KIF6: variants seen among roughly 807,000 people sequenced by gnomAD.
KIF6 encodes the protein kinesin family member 6.
Under a neutral mutation model 112.7 loss-of-function variants are expected in KIF6, and 106 were observed. That is an observed-to-expected ratio of 0.94 (90% CI 0.80 to 1.11). The LOEUF (loss-of-function observed/expected upper bound fraction) is 1.11, where lower values mean the gene tolerates loss of function less well. KIF6 is among the 50% of genes least tolerant of loss of function. The pLI is 0.00. For synonymous variants in KIF6, 339 were observed against 339.9 expected (o/e 1.00, Z 0.03); for missense variants, 929 against 964.0 (o/e 0.96, Z 0.48).
chr6:39,454,870 C>T (rs9766826), intron 13 of KIF6, among the ~76,000 whole-genome samples: 1,928 of 152,292 alleles, frequency 0.013, 50 homozygotes, highest in African/African-American at 0.044. Context: ...GAGGGTCCTA[C>T]GCCCACCGAA....
intron 13 of KIF6, among the ~76,000 whole-genome samples, chr6:39,455,244 C>A (rs1772992201): frequency 6.6e-6 from 1 of 151,560 alleles, no homozygotes; most frequent in Non-Finnish European, 1.5e-5. Flanking sequence ...TGGGAGGCAC[C>A]CCCCAGCAGG....
At chr6:39,520,472 T>C (rs1352294029) in intron 13 of KIF6, among the ~76,000 whole-genome samples, 7 of 152,154 alleles carry the variant, frequency 4.6e-5, no homozygotes, top group Admixed American at 2.0e-4. Context: ...GAAGGGACGG[T>C]TGTGGAATCT....
In KIF6 at chr6:39,679,502, A is replaced by ATT. The variant is rs1328684909; in HGVS notation, c.251+35189_251+35190insAA. On this transcript the variant is annotated intron_variant, in intron 3 of 22. Coordinates refer to ENST00000287152, the MANE Select transcript of KIF6 (RefSeq NM_145027.6). The stretch of plus-strand genomic sequence containing the variant: ...CTTCTGAAATTCCCTTTGGCTTTTG[A>ATT]ACATGTCATTCTCTCTCCATGGAAT... Among the ~76,000 whole-genome samples, 4 of 152,230 alleles carry ATT rather than the reference A, an allele frequency of 2.6e-5. No homozygotes were observed. The South Asian group carries it at 8.3e-4, about 32-fold the overall frequency.
chr6:39,506,707 G>T (rs1173895843), intron 13 of KIF6, among the ~76,000 whole-genome samples: 1 of 152,094 alleles, frequency 6.6e-6, no homozygotes, highest in Non-Finnish European at 1.5e-5. Context: ...TGGGTGACAG[G>T]TGTATCTTTC....
chr6:39,642,141 G>A lies in KIF6; in HGVS notation c.252-2384C>T, dbSNP rs148940390. Among the ~76,000 whole-genome samples, 443 of 152,154 alleles carry A rather than the reference G, an allele frequency of 2.9e-3. 2 individuals carry two copies. Among genetic ancestry groups the A allele is most frequent in the Non-Finnish European group, 4.7e-3 (321 of 68,004 alleles). On this transcript the variant is annotated intron_variant, in intron 3 of 22. Coordinates refer to ENST00000287152, the MANE Select transcript of KIF6 (RefSeq NM_145027.6). Reference sequence around the variant, plus strand: ...TCATCTGTCCTAAGGAAAAATACTAGTTAAAAATAAAGAAAGAGAAATAGT... The same window carrying A: ...TCATCTGTCCTAAGGAAAAATACTAATTAAAAATAAAGAAAGAGAAATAGT...
rs543420082 is a variant in KIF6, at chr6:39,364,494, T to A, written c.1862-1976A>T. Reference sequence around the variant, plus strand: ...AGTGACCTGGTTACTTTCCCATTTATCTTAAGTGTGAAGGCTAGGTCTTGA... The same window carrying A: ...AGTGACCTGGTTACTTTCCCATTTAACTTAAGTGTGAAGGCTAGGTCTTGA... On this transcript the variant is annotated intron_variant, in intron 16 of 22. Transcript: ENST00000287152. 5.3e-5 allele frequency among the ~76,000 whole-genome samples: 8 copies of A among 152,292 alleles called. No homozygotes were observed. In the East Asian group the frequency reaches 1.5e-3, roughly 29 times the overall value.
At chr6:39,684,807 A>G (rs948257201) in intron 3 of KIF6, among the ~76,000 whole-genome samples, 5 of 152,032 alleles carry the variant, frequency 3.3e-5, no homozygotes, top group South Asian at 2.1e-4. Flanking sequence ...AAAAAAAGAA[A>G]GAAAATTAAG....
intron 8 of KIF6, 141 bp from the exon 9 acceptor site, chr6:39,585,125 C>A: frequency 1.8e-6 from 1 of 552,506 alleles, no homozygotes; most frequent in Non-Finnish European, 3.2e-6. Context: ...GAACTATGCC[C>A]CTAAATTAGG....
chr6:39,437,526 G>A (rs1771608521), intron 13 of KIF6, among the ~76,000 whole-genome samples: 1 of 152,146 alleles, frequency 6.6e-6, no homozygotes, highest in Admixed American at 6.5e-5. Flanking sequence ...ATATTGTGAT[G>A]GTGTGAAAAA....
intron 13 of KIF6, among the ~76,000 whole-genome samples, chr6:39,499,899 G>A (rs1336903422): frequency 6.6e-6 from 1 of 152,202 alleles, no homozygotes; most frequent in Non-Finnish European, 1.5e-5. Context: ...CACAAGAAAG[G>A]ATAAAGTAAC....
Position 39,544,551 on chromosome 6 carries a change from A to G in KIF6, c.1426+4T>C. ...AAGTTTCTTCATCACTTCAGAAAGGATACTGATTTCGTTATCTCTCTGTTT... is the reference window on the plus strand; with the variant it reads ...AAGTTTCTTCATCACTTCAGAAAGGGTACTGATTTCGTTATCTCTCTGTTT... On this transcript the variant is annotated splice_donor_region_variant and intron_variant, in intron 12 of 22. Transcript: ENST00000287152. 1 of 1,611,350 alleles carries G rather than the reference A, an allele frequency of 6.2e-7. No homozygotes were observed. The highest frequency in any genetic ancestry group is 1.7e-5 in the Admixed American group (1 of 59,542).
At chr6:39,670,324 A>C (rs1436182887) in intron 3 of KIF6, among the ~76,000 whole-genome samples, 1 of 152,254 alleles carries the variant, frequency 6.6e-6, no homozygotes, top group Non-Finnish European at 1.5e-5. Context: ...AAAGATCTGC[A>C]TATAACTTTT....
chr6:39,540,036 C>G lies in KIF6; in HGVS notation c.1612G>C (p.Gly538Arg), dbSNP rs142216439. 1.4e-5 allele frequency: 22 copies of G among 1,606,420 alleles called. No individual in the cohort carries two copies. Among genetic ancestry groups the G allele is most frequent in the Middle Eastern group, 1.7e-4 (1 of 6,032 alleles). ...PSQAQDFSIL[G>R]KRSSLLHKKI... is the part of the protein sequence containing the mutation. ...TTGTGGAGCAAACTGGATCTTTTCCCCAAAATGCTGAAGTCCTGGGCCTGT... is the reference window on the plus strand; with the variant it reads ...TTGTGGAGCAAACTGGATCTTTTCCGCAAAATGCTGAAGTCCTGGGCCTGT... The change falls in exon 13 of 23, where the codon GGG becomes CGG. Residue 538 changes from glycine to arginine, a missense_variant. By Grantham distance (125) the Gly-to-Arg change is moderately radical. Transcript: ENST00000287152.
intron 3 of KIF6, among the ~76,000 whole-genome samples, chr6:39,647,520 CA>C (rs1785229023): frequency 6.6e-6 from 1 of 151,660 alleles, no homozygotes; most frequent in Non-Finnish European, 1.5e-5. Context: ...TCAAGCCGAG[CA>C]AAAAAGAGTG....
chr6:39,387,054 G>A lies in KIF6; in HGVS notation c.1811-1382C>T, dbSNP rs149826851. ...GAGAGTTTTAGGGCACCTCTAGAAT[G>A]TTATAATTGGGAGAGATGGCAGAGG... On this transcript the variant is annotated intron_variant, in intron 15 of 22. Transcript: ENST00000287152. 6.2e-3 allele frequency among the ~76,000 whole-genome samples: 945 copies of A among 152,292 alleles called. 8 individuals are homozygous for A. The highest frequency in any genetic ancestry group is 8.1e-3 in the South Asian group (39 of 4,824).
intron 10 of KIF6, among the ~76,000 whole-genome samples, chr6:39,555,316 G>C (rs1779636053): frequency 1.3e-5 from 2 of 152,122 alleles, no homozygotes; most frequent in South Asian, 4.2e-4. Context: ...CCAATGTCCT[G>C]CTCCAGCCAT....
At chr6:39,488,666 T>C (rs982027557) in intron 13 of KIF6, among the ~76,000 whole-genome samples, 2 of 152,236 alleles carry the variant, frequency 1.3e-5, no homozygotes, top group Non-Finnish European at 2.9e-5. Context: ...ATGCAATTGG[T>C]AAATATCTGC....
intron 14 of KIF6, among the ~76,000 whole-genome samples, chr6:39,430,074 C>G (rs1379101183): frequency 1.3e-5 from 2 of 152,184 alleles, no homozygotes; most frequent in Admixed American, 6.5e-5. Context: ...TCTGACACTA[C>G]TGACAGTCTG....
intron 13 of KIF6, among the ~76,000 whole-genome samples, chr6:39,512,883 A>G (rs1466639253): frequency 6.6e-6 from 1 of 152,204 alleles, no homozygotes; most frequent in Non-Finnish European, 1.5e-5. Context: ...CCTTCTGGAA[A>G]GAAATCCACT....
Sources: gnomAD v4.1 joint callset for allele counts (sites outside exome capture counted in the v4.1 genomes callset) on GRCh38, gnomAD v4.1.1 for gene constraint, MANE v1.5 for transcripts, NCBI Gene and HGNC (gene_info 2026-07-23, HGNC 2026-07-21) for gene names.